CIT: variants seen among roughly 807,000 people sequenced by gnomAD.
CIT encodes the protein citron Rho-interacting kinase.
Under a neutral mutation model 272.7 loss-of-function variants are expected in CIT, and 79 were observed. The ratio of observed to expected loss-of-function variants is 0.29; its 90% confidence interval spans 0.24 to 0.35. The LOEUF (loss-of-function observed/expected upper bound fraction) is 0.35, where lower values mean the gene tolerates loss of function less well. Ranked by LOEUF, CIT falls within the 10% of genes least tolerant of loss-of-function variation. The probability of loss-of-function intolerance (pLI) is 1.00; values close to 1 mark genes in which losing one functional copy is unlikely to be tolerated. For missense variants in CIT, 1,909 were observed against 2,618.3 expected (o/e 0.73, Z 5.91); for synonymous variants, 948 against 995.6 (o/e 0.95, Z 0.90).
rs186244485 is a variant in CIT, at chr12:119,752,107, C to T, written c.2847G>A (p.Ala949=). Residue 949 remains alanine, a synonymous_variant, in exon 23 of 48, where the codon GCG becomes GCA. Transcript: ENST00000392521. ...CTGTGGTCTCTTCCAGCTCTGTCTTCGCCTGGCGAAGCTGGCTCTCCAGGG... is the reference window on the plus strand; with the variant it reads ...CTGTGGTCTCTTCCAGCTCTGTCTTTGCCTGGCGAAGCTGGCTCTCCAGGG... The part of the protein sequence containing the change: ...RAALESQLRQ[A]KTELEETTAE... The T allele has an allele frequency of 2.2e-4, 349 of 1,613,064 alleles. 2 individuals are homozygous for T. The highest frequency in any genetic ancestry group is 2.1e-3 in the East Asian group (95 of 44,894).
intron 24 of CIT, among the ~76,000 whole-genome samples, chr12:119,740,043 C>G (rs925749740): frequency 1.3e-5 from 2 of 152,190 alleles, no homozygotes; most frequent in Admixed American, 6.5e-5. Flanking sequence ...AATCTGAACT[C>G]TATCTGATTC....
intron 22 of CIT, among the ~76,000 whole-genome samples, chr12:119,755,444 T>C (rs1207610209): frequency 1.3e-5 from 2 of 152,252 alleles, no homozygotes; most frequent in African/African-American, 4.8e-5. Context: ...CAGACCGCTG[T>C]CTGCTTAACA....
intron 21 of CIT, among the ~76,000 whole-genome samples, chr12:119,758,371 A>T (rs973999658): frequency 2.6e-5 from 4 of 152,200 alleles, no homozygotes; most frequent in African/African-American, 9.7e-5. Context: ...ACACTCTGTA[A>T]TGTGATGGTA....
chr12:119,808,525 T>TA (rs536884755), intron 9 of CIT, among the ~76,000 whole-genome samples: 2,972 of 146,292 alleles, frequency 0.02, 54 homozygotes, highest in South Asian at 0.052. Flanking sequence ...ACTAGCATAT[T>TA]AAAAAAAAAA....
intron 7 of CIT, among the ~76,000 whole-genome samples, chr12:119,829,993 C>G (rs1358738919): frequency 2.6e-5 from 4 of 151,518 alleles, no homozygotes; most frequent in African/African-American, 9.7e-5. Flanking sequence ...TGAGTACAGG[C>G]AACATTTAGA....
intron 47 of CIT, among the ~76,000 whole-genome samples, chr12:119,688,513 G>A (rs1469407251): frequency 1.3e-5 from 2 of 152,350 alleles, no homozygotes; most frequent in East Asian, 1.9e-4. Context: ...CAGTTTCATC[G>A]GTCAATTGGG....
intron 10 of CIT, among the ~76,000 whole-genome samples, chr12:119,791,186 C>T (rs1175913045): frequency 6.6e-6 from 1 of 152,186 alleles, no homozygotes; most frequent in Non-Finnish European, 1.5e-5. Flanking sequence ...ATTTCTGCTA[C>T]TTCTTAGCTA....
At chr12:119,699,822 T>G (rs753265626) in intron 44 of CIT, 4 of 455,986 alleles carry the variant, frequency 8.8e-6, no homozygotes, top group Non-Finnish European at 1.8e-5. Context: ...TCAGATGGCT[T>G]GTTATGCAGC....
chr12:119,866,408 G>A (rs142239176), intron 3 of CIT, among the ~76,000 whole-genome samples: 208 of 152,228 alleles, frequency 1.4e-3, no homozygotes, highest in African/African-American at 4.5e-3. Flanking sequence ...AGCTACCGTC[G>A]AGGCTGTCCT....
intron 46 of CIT, among the ~76,000 whole-genome samples, chr12:119,692,219 A>C (rs1955993396): frequency 1.3e-5 from 2 of 152,222 alleles, no homozygotes; most frequent in Admixed American, 1.3e-4. Flanking sequence ...AAGGCTAAGG[A>C]AGGAGAATTG....
chr12:119,831,755 G>C (rs1968653143), intron 7 of CIT, among the ~76,000 whole-genome samples: 1 of 152,164 alleles, frequency 6.6e-6, no homozygotes, highest in African/African-American at 2.4e-5. Context: ...TGCAGTCCCA[G>C]CTACTCGGGA....
chr12:119,856,750 C>T lies in CIT; in HGVS notation c.414+773G>A, dbSNP rs115917486. Among the ~76,000 whole-genome samples the T allele has an allele frequency of 8.6e-3, 1,313 of 152,312 alleles. 21 individuals are homozygous for T. Among genetic ancestry groups the T allele is most frequent in the African/African-American group, 0.029 (1,211 of 41,542 alleles). On this transcript the variant is annotated intron_variant, in intron 4 of 47. Coordinates refer to ENST00000392521, the MANE Select transcript of CIT (RefSeq NM_001206999.2). ...TAATTTGCTAATTGCTCTCCCACTT[C>T]TGTGATACTTTAGCTGGTAAGCACC...
intron 7 of CIT, among the ~76,000 whole-genome samples, chr12:119,832,046 G>C (rs1437901042): frequency 2.6e-5 from 4 of 152,146 alleles, no homozygotes; most frequent in Non-Finnish European, 5.9e-5. Flanking sequence ...CCAAGGATTT[G>C]TCTAGGTCAC....
Position 119,874,318 on chromosome 12 carries a change from CGCCTCA to C in CIT, c.96+1749_96+1754del, listed in dbSNP as rs570374136. Among the ~76,000 whole-genome samples, 21 of 152,168 alleles carry C rather than the reference CGCCTCA, an allele frequency of 1.4e-4. 1 individual carries two copies. The South Asian group carries it at 4.1e-3, about 30-fold the overall frequency. On this transcript the variant is annotated intron_variant, in intron 2 of 47. Coordinates refer to ENST00000392521, the MANE Select transcript of CIT (RefSeq NM_001206999.2). ...AACCCGTGACCTCAAGTAATCCGCCCGCCTCAGCCTCCGAAAATACTGGCATTACAG... is the reference window on the plus strand; with the variant it reads ...AACCCGTGACCTCAAGTAATCCGCCCGCCTCCGAAAATACTGGCATTACAG...
At chr12:119,733,392 G>C (rs552759137) in intron 26 of CIT, among the ~76,000 whole-genome samples, 2 of 151,622 alleles carry the variant, frequency 1.3e-5, no homozygotes, top group Non-Finnish European at 2.9e-5. Flanking sequence ...AAATTAGCCG[G>C]GCATAGTGGT....
chr12:119,825,103 T>C, intron 8 of CIT, 62 bp downstream of exon 8: 1 of 1,481,702 alleles, frequency 6.7e-7, no homozygotes, highest in South Asian at 1.2e-5. Flanking sequence ...CCCAGCCTCA[T>C]TCGCACAATT....
intron 15 of CIT, 105 bp downstream of exon 15, chr12:119,776,253 T>C: frequency 1.2e-6 from 1 of 864,798 alleles, no homozygotes; most frequent in Non-Finnish European, 1.9e-6. Flanking sequence ...AGGTCTCTAT[T>C]CATTGATGAA....
chr12:119,719,743 C>T (rs1957732869), intron 30 of CIT, among the ~76,000 whole-genome samples: 1 of 152,212 alleles, frequency 6.6e-6, no homozygotes, highest in Non-Finnish European at 1.5e-5. Flanking sequence ...CTATGGTATG[C>T]TTCTGCATTT....
chr12:119,866,097 C>T (rs1163429420), intron 3 of CIT, among the ~76,000 whole-genome samples: 2 of 152,052 alleles, frequency 1.3e-5, no homozygotes, highest in Non-Finnish European at 2.9e-5. Flanking sequence ...CACAACACCT[C>T]ACCTCCAGGG....
Sources: allele counts gnomAD v4.1 joint callset (sites outside exome capture counted in the v4.1 genomes callset), GRCh38; gene constraint gnomAD v4.1.1; transcripts MANE v1.5; gene names NCBI Gene and HGNC (gene_info 2026-07-23, HGNC 2026-07-21).